Variants in HDAC9 observed in about 807,000 individuals in gnomAD.
The protein encoded by HDAC9 is histone deacetylase 9, also known as MEF-2 interacting transcription repressor (MITR) protein.
A neutral mutation model predicts 139.4 loss-of-function variants in HDAC9; 41 were observed. The ratio of observed to expected loss-of-function variants is 0.29; its 90% CI spans 0.23 to 0.38. The LOEUF is 0.38. HDAC9 is among the 10% of genes least tolerant of loss of function. The pLI is 1.00. For synonymous variants in HDAC9, 517 were observed against 476.2 expected (o/e 1.09, Z -1.12); for missense variants, 1,147 against 1,297.0 (o/e 0.88, Z 1.78).
At chr7:18,833,016 A>C (rs188050857) in intron 19 of HDAC9, among the ~76,000 whole-genome samples, 10 of 152,262 alleles carry the variant, frequency 6.6e-5, no homozygotes, top group African/African-American at 2.2e-4. Flanking sequence ...GATTACAGGC[A>C]TGAGTCACCA....
intron 1 of HDAC9, among the ~76,000 whole-genome samples, chr7:18,460,753 A>C (rs1411619874): frequency 6.8e-6 from 1 of 147,930 alleles, no homozygotes; most frequent in Admixed American, 6.9e-5. Flanking sequence ...GCGCCATTGC[A>C]TTCCAGCCTG....
chr7:18,813,621 C>T (rs1198845880), intron 17 of HDAC9, among the ~76,000 whole-genome samples: 1 of 152,086 alleles, frequency 6.6e-6, no homozygotes, highest in African/African-American at 2.4e-5. Flanking sequence ...TGAAAAGCTA[C>T]CTAAATATCT....
chr7:18,229,860 G>A (rs1049914347), intron 2 of HDAC9, among the ~76,000 whole-genome samples: 1 of 151,994 alleles, frequency 6.6e-6, no homozygotes, highest in African/African-American at 2.4e-5. Flanking sequence ...CATCTAACTG[G>A]GTCATTGATT....
chr7:18,142,439 T>A (rs1428714805), intron 1 of HDAC9, among the ~76,000 whole-genome samples: 2 of 152,146 alleles, frequency 1.3e-5, no homozygotes, highest in Non-Finnish European at 2.9e-5. Flanking sequence ...AAAATACACG[T>A]TTGAAGATGA....
chr7:18,925,645 C>CTT (rs34738573), intron 22 of HDAC9, among the ~76,000 whole-genome samples: 4 of 150,896 alleles, frequency 2.7e-5, no homozygotes, highest in East Asian at 3.9e-4. Context: ...TTAAATACAT[C>CTT]TTTTTTTTTC....
intron 1 of HDAC9, among the ~76,000 whole-genome samples, chr7:18,420,473 GT>G (rs1038574381): frequency 6.6e-6 from 1 of 152,074 alleles, no homozygotes. Flanking sequence ...TCTCTTTATG[GT>G]TTTAGTTACA....
At chr7:18,105,046 A>G (rs1783110113) in intron 1 of HDAC9, among the ~76,000 whole-genome samples, 1 of 150,350 alleles carries the variant, frequency 6.7e-6, no homozygotes, top group South Asian at 2.1e-4. Flanking sequence ...AAATTTTAAT[A>G]TTTTTCTATC....
intron 2 of HDAC9, among the ~76,000 whole-genome samples, chr7:18,205,665 T>TA (rs1366933839): frequency 6.6e-6 from 1 of 152,112 alleles, no homozygotes; most frequent in Non-Finnish European, 1.5e-5. Flanking sequence ...TTTGATTTTT[T>TA]AAAATCCTAT....
intron 1 of HDAC9, among the ~76,000 whole-genome samples, chr7:18,300,575 C>A (rs1490728454): frequency 6.6e-6 from 1 of 150,966 alleles, no homozygotes; most frequent in East Asian, 1.9e-4. Flanking sequence ...TTATTTTTAT[C>A]ACAATAAAAT....
chr7:18,979,183 T>C (rs1204877418), intron 25 of HDAC9, among the ~76,000 whole-genome samples: 1 of 152,198 alleles, frequency 6.6e-6, no homozygotes, highest in Non-Finnish European at 1.5e-5. Context: ...ACTTTGTTTT[T>C]TGGGTAACTA....
chr7:18,231,045 C>T (rs368514698), intron 2 of HDAC9, among the ~76,000 whole-genome samples: 1 of 152,140 alleles, frequency 6.6e-6, no homozygotes, highest in African/African-American at 2.4e-5. Context: ...GAATGGAAAG[C>T]CCACTGGGGA....
chr7:18,933,739 A>T (rs1341419735), intron 22 of HDAC9, among the ~76,000 whole-genome samples: 3 of 152,174 alleles, frequency 2.0e-5, no homozygotes, highest in African/African-American at 7.2e-5. Flanking sequence ...TCAGTTACAG[A>T]ATATAAAATA....
At chr7:18,155,775 G>A (rs1787147455) in intron 1 of HDAC9, among the ~76,000 whole-genome samples, 1 of 152,154 alleles carries the variant, frequency 6.6e-6, no homozygotes, top group African/African-American at 2.4e-5. Flanking sequence ...GGCAGTGCAG[G>A]TGGGGAGTGA....
intron 1 of HDAC9, among the ~76,000 whole-genome samples, chr7:18,451,391 G>A (rs1196314582): frequency 2.1e-5 from 3 of 142,382 alleles, no homozygotes; most frequent in African/African-American, 7.7e-5. Flanking sequence ...GTGTGTGTGT[G>A]TGTGTGTGTG....
chr7:18,669,405 A>G (rs929840922), intron 12 of HDAC9, among the ~76,000 whole-genome samples: 2 of 151,868 alleles, frequency 1.3e-5, no homozygotes. Flanking sequence ...AACAATTATT[A>G]TAATACCAGT....
At chr7:18,570,852 TA>T (rs1824052996) in intron 2 of HDAC9, among the ~76,000 whole-genome samples, 1 of 152,216 alleles carries the variant, frequency 6.6e-6, no homozygotes, top group Non-Finnish European at 1.5e-5. Context: ...TTCCATAATT[TA>T]AATTAGAATA....
intron 3 of HDAC9, among the ~76,000 whole-genome samples, chr7:18,586,134 T>G (rs2128804551): frequency 6.6e-6 from 1 of 152,304 alleles, no homozygotes; most frequent in East Asian, 1.9e-4. Context: ...TTGGGAGTAG[T>G]TGACAATTTG....
chr7:18,718,430 A>G (rs1057227418), intron 12 of HDAC9, among the ~76,000 whole-genome samples: 7 of 151,226 alleles, frequency 4.6e-5, no homozygotes, highest in African/African-American at 1.7e-4. Flanking sequence ...ACGGGGTTTC[A>G]CCTTGTTGCC....
intron 2 of HDAC9, among the ~76,000 whole-genome samples, chr7:18,518,833 A>G (rs1392641127): frequency 1.3e-5 from 2 of 152,218 alleles, no homozygotes; most frequent in East Asian, 3.8e-4. Context: ...TTAAAACATT[A>G]AAGTGTTTTT....
Sources: gnomAD v4.1 joint callset for allele counts (sites outside exome capture counted in the v4.1 genomes callset) on GRCh38, gnomAD v4.1.1 for gene constraint, MANE v1.5 for transcripts, NCBI Gene and HGNC (gene_info 2026-07-23, HGNC 2026-07-21) for gene names.